Variants in PPP3CC observed in about 807,000 individuals in gnomAD.
PPP3CC encodes protein phosphatase 3 catalytic subunit gamma.
Under a neutral mutation model 60.3 loss-of-function variants are expected in PPP3CC, and 35 were observed. That is an observed-to-expected ratio of 0.58 (90% confidence interval 0.44 to 0.77). PPP3CC has a LOEUF of 0.77. Among genes scored for constraint, PPP3CC ranks in the 30% least tolerant of loss-of-function variants. PPP3CC has a pLI of 0.00. For missense variants in PPP3CC, 570 were observed against 628.9 expected (o/e 0.91, Z 1.00); for synonymous variants, 206 against 224.3 (o/e 0.92, Z 0.73).
intron 5 of PPP3CC, 124 bp from the exon 6 acceptor site, chr8:22,513,169 G>T (rs535298467): frequency 2.0e-5 from 16 of 788,320 alleles, no homozygotes; most frequent in African/African-American, 1.6e-4. Flanking sequence ...TCCTTTAGGG[G>T]CACACTGGCT....
At chr8:22,459,089 CAG>C (rs1279297112) in intron 1 of PPP3CC, among the ~76,000 whole-genome samples, 1 of 150,166 alleles carries the variant, frequency 6.7e-6, no homozygotes, top group Non-Finnish European at 1.5e-5. Flanking sequence ...TTTTCTGAGA[CAG>C]AGTCTAGCAC....
intron 4 of PPP3CC, among the ~76,000 whole-genome samples, chr8:22,500,019 G>A (rs548158523): frequency 5.3e-5 from 8 of 152,288 alleles, no homozygotes; most frequent in African/African-American, 1.4e-4. Context: ...AAGTTGCTTA[G>A]TAAATATTGG....
At chr8:22,508,583 TA>T (rs1236640168) in intron 4 of PPP3CC, among the ~76,000 whole-genome samples, 1 of 152,222 alleles carries the variant, frequency 6.6e-6, no homozygotes, top group Non-Finnish European at 1.5e-5. Flanking sequence ...GGAAGTAGGC[TA>T]AGGAATTATT....
intron 3 of PPP3CC, among the ~76,000 whole-genome samples, chr8:22,489,742 GTATA>G (rs1037655328): frequency 1.9e-4 from 12 of 62,878 alleles, no homozygotes; most frequent in Non-Finnish European, 3.7e-4. Flanking sequence ...TATATAATAA[GTATA>G]TATTATATAT....
At chr8:22,513,507 T>C in intron 6 of PPP3CC, 75 bp downstream of exon 6, 1 of 1,452,240 alleles carries the variant, frequency 6.9e-7, no homozygotes. Context: ...TTCAGCATTT[T>C]ATATTTCAAA....
intron 3 of PPP3CC, among the ~76,000 whole-genome samples, chr8:22,481,322 C>T (rs867030640): frequency 2.0e-5 from 3 of 148,662 alleles, no homozygotes; most frequent in African/African-American, 7.5e-5. Flanking sequence ...GCAACAAGAG[C>T]GAAACTCTGT....
At chr8:22,535,818 G>A (rs914881533) in intron 12 of PPP3CC, among the ~76,000 whole-genome samples, 4 of 152,214 alleles carry the variant, frequency 2.6e-5, no homozygotes, top group East Asian at 3.9e-4. Flanking sequence ...TGCAATCTCC[G>A]CCTCCCAGGT....
chr8:22,525,760 A>G (rs1586865193), intron 8 of PPP3CC, among the ~76,000 whole-genome samples: 1 of 151,168 alleles, frequency 6.6e-6, no homozygotes, highest in African/African-American at 2.4e-5. Flanking sequence ...GGGTCTCGTT[A>G]TGTTGCCCAG....
At chr8:22,531,454 A>T in intron 10 of PPP3CC, 1 of 974,808 alleles carries the variant, frequency 1.0e-6, no homozygotes, top group Non-Finnish European at 1.5e-6. Flanking sequence ...TTCAGTTTTA[A>T]TGTATATGTT....
At chr8:22,450,212 A>T (rs1006173746) in intron 1 of PPP3CC, among the ~76,000 whole-genome samples, 1 of 151,974 alleles carries the variant, frequency 6.6e-6, no homozygotes, top group African/African-American at 2.4e-5. Flanking sequence ...AGACTTATAA[A>T]CCTATTCTGA....
intron 1 of PPP3CC, among the ~76,000 whole-genome samples, chr8:22,459,388 C>T (rs6984908): frequency 0.52 from 79,636 of 151,942 alleles, 21,379 homozygotes; most frequent in East Asian, 0.69. Flanking sequence ...TTTGAATGAT[C>T]TTGTATGTAA....
intron 1 of PPP3CC, among the ~76,000 whole-genome samples, chr8:22,442,715 T>C (rs1779568830): frequency 6.6e-6 from 1 of 152,226 alleles, no homozygotes; most frequent in Middle Eastern, 3.2e-3. Flanking sequence ...TATTAGTGTA[T>C]AGCCTATAAG....
At chr8:22,450,534 A>G (rs541733259) in intron 1 of PPP3CC, among the ~76,000 whole-genome samples, 1 of 152,278 alleles carries the variant, frequency 6.6e-6, no homozygotes, top group South Asian at 2.1e-4. Flanking sequence ...GTTTGTACAT[A>G]TCCTCTACTT....
intron 1 of PPP3CC, among the ~76,000 whole-genome samples, chr8:22,457,990 C>G (rs1446367155): frequency 6.6e-6 from 1 of 152,162 alleles, no homozygotes; most frequent in Non-Finnish European, 1.5e-5. Context: ...ACTCAGGAGG[C>G]TGAGGCAGGA....
At chr8:22,487,827 G>C (rs1393346272) in intron 3 of PPP3CC, among the ~76,000 whole-genome samples, 8 of 152,170 alleles carry the variant, frequency 5.3e-5, no homozygotes. Flanking sequence ...GTTATTAGAT[G>C]ACCAATTGAT....
At chr8:22,527,298 G>C (rs564275949) in intron 8 of PPP3CC, 94 bp from the exon 9 acceptor site, 1 of 1,377,324 alleles carries the variant, frequency 7.3e-7, no homozygotes, top group Admixed American at 2.2e-5. Flanking sequence ...GAAAGTTCTC[G>C]AATTCTGTGT....
intron 8 of PPP3CC, among the ~76,000 whole-genome samples, chr8:22,523,184 T>G (rs375953794): frequency 6.6e-6 from 1 of 152,146 alleles, no homozygotes; most frequent in African/African-American, 2.4e-5. Context: ...AGTGACCTAG[T>G]GTACAAAGTC....
At chr8:22,464,430 A>C (rs1837454934) in intron 1 of PPP3CC, among the ~76,000 whole-genome samples, 1 of 152,132 alleles carries the variant, frequency 6.6e-6, no homozygotes, top group African/African-American at 2.4e-5. Context: ...TCTAGGCTGG[A>C]GTGCAGTGGC....
At chr8:22,493,129 C>G (rs1190177767) in intron 3 of PPP3CC, 1 of 1,551,026 alleles carries the variant, frequency 6.4e-7, no homozygotes, top group Non-Finnish European at 8.8e-7. Flanking sequence ...GAGTCAACTT[C>G]TGAAGATAAA....
Sources: allele counts gnomAD v4.1 joint callset (sites outside exome capture counted in the v4.1 genomes callset), GRCh38; gene constraint gnomAD v4.1.1; transcripts MANE v1.5; gene names NCBI Gene and HGNC (gene_info 2026-07-23, HGNC 2026-07-21).